The following PSMA6 variants were observed in gnomAD, a reference collection of about 807,000 sequenced individuals.
PSMA6 encodes proteasome subunit alpha type-6.
For missense variants in PSMA6, 170 were observed against 294.8 expected, an observed-to-expected ratio of 0.58 and a Z score of 3.10; for synonymous variants, 88 against 97.7, an observed-to-expected ratio of 0.90 and a Z score of 0.59.
At chr14:35,284,536 T>C (rs72664902) in intron 1 of PSMA6, among the ~76,000 whole-genome samples, 1,968 of 152,322 alleles carry the variant, frequency 0.013, 27 homozygotes, top group Middle Eastern at 0.041. Flanking sequence ...CGGGTTCATC[T>C]GTGTGTCTCC....
Position 35,317,341 on chromosome 14 carries a change from C to T in PSMA6, c.*35C>T, listed in dbSNP as rs768149385. 2.0e-5 allele frequency: 31 copies of T among 1,557,872 alleles called. No homozygotes were observed. In the Admixed American group the frequency reaches 5.2e-4, roughly 26 times the overall value. ...TTAGTTTACCAGATCCGTGATGCCACTTACCTGTGTGTTTGGTAACAACAA... is the reference window on the plus strand; with the variant it reads ...TTAGTTTACCAGATCCGTGATGCCATTTACCTGTGTGTTTGGTAACAACAA... On this transcript the variant is annotated 3_prime_UTR_variant, in exon 7 of 7. Coordinates refer to ENST00000261479, the MANE Select transcript of PSMA6 (RefSeq NM_002791.3).
intron 1 of PSMA6, among the ~76,000 whole-genome samples, chr14:35,286,249 A>G (rs1048201127): frequency 6.6e-6 from 1 of 152,212 alleles, no homozygotes; most frequent in Admixed American, 6.5e-5. Context: ...TTCAAAGTTC[A>G]CAATATGACC....
At chr14:35,282,427 A>C (rs2051375493) in intron 1 of PSMA6, among the ~76,000 whole-genome samples, 1 of 147,166 alleles carries the variant, frequency 6.8e-6, no homozygotes. Flanking sequence ...GTAAATTAAA[A>C]AAAAATTTTT....
intron 3 of PSMA6, 95 bp from the exon 4 acceptor site, chr14:35,310,645 T>C: frequency 8.0e-7 from 1 of 1,256,918 alleles, no homozygotes. Flanking sequence ...CTCATGTATG[T>C]CTATATGGTG....
chr14:35,291,158 A>G (rs2051474447), upstream of PSMA6, among the ~76,000 whole-genome samples: 1 of 149,976 alleles, frequency 6.7e-6, no homozygotes. Context: ...CGCACAGCTA[A>G]TTTTATTTTT....
At chr14:35,294,442 C>T in intron 1 of PSMA6, among the ~76,000 whole-genome samples, 1 of 152,180 alleles carries the variant, frequency 6.6e-6, no homozygotes, top group East Asian at 1.9e-4. Flanking sequence ...TATGAGCAAG[C>T]AGTATAGTGA....
intron 1 of PSMA6, among the ~76,000 whole-genome samples, chr14:35,306,336 C>T (rs1046957228): frequency 6.6e-5 from 10 of 151,730 alleles, no homozygotes; most frequent in Admixed American, 5.3e-4. Context: ...ATGGGAGGAT[C>T]GCTTGAGCTC....
intron 1 of PSMA6, among the ~76,000 whole-genome samples, chr14:35,280,715 TTTG>T (rs912785149): frequency 3.9e-5 from 6 of 151,900 alleles, no homozygotes; most frequent in Admixed American, 3.9e-4. Flanking sequence ...GGTCTCATGA[TTTG>T]TTGTTGTTGT....
intron 1 of PSMA6, among the ~76,000 whole-genome samples, chr14:35,280,508 A>G (rs1360185333): frequency 2.0e-5 from 3 of 151,628 alleles, no homozygotes; most frequent in Non-Finnish European, 1.5e-5. Context: ...CAGCCTCCCA[A>G]GTAGCTGGGA....
rs886766702 is a variant in PSMA6, at chr14:35,292,412, C to G, written c.-65C>G. On this transcript the variant is annotated 5_prime_UTR_variant, in exon 1 of 7. Transcript: ENST00000261479. ...CAGTCGCTGCAACTTCCGGGAGGTGCTTGTGTGCCTGGTGCGGGAGCTACG... is the reference window on the plus strand; with the variant it reads ...CAGTCGCTGCAACTTCCGGGAGGTGGTTGTGTGCCTGGTGCGGGAGCTACG... 6.4e-7 allele frequency: 1 copy of G among 1,570,126 alleles called. No individual in the cohort carries two copies. The highest frequency in any genetic ancestry group is 8.6e-7 in the Non-Finnish European group (1 of 1,159,388).
At chr14:35,303,947 A>C (rs2051770029) in intron 1 of PSMA6, among the ~76,000 whole-genome samples, 1 of 150,756 alleles carries the variant, frequency 6.6e-6, no homozygotes, top group Non-Finnish European at 1.5e-5. Flanking sequence ...TCATTGTATT[A>C]GCTCGTGTAG....
chr14:35,307,934 T>A, intron 1 of PSMA6, 60 bp from the exon 2 acceptor site: 1 of 1,503,272 alleles, frequency 6.7e-7, no homozygotes, highest in Non-Finnish European at 9.2e-7. Context: ...TGACTATTAT[T>A]TCATTGCAAG....
chr14:35,302,002 C>G (rs191561798), intron 1 of PSMA6, among the ~76,000 whole-genome samples: 2 of 151,724 alleles, frequency 1.3e-5, no homozygotes, highest in African/African-American at 4.8e-5. Flanking sequence ...TTCTTTGTGG[C>G]CAGTTGCTAT....
chr14:35,289,369 G>A (rs1416932048), upstream of PSMA6, among the ~76,000 whole-genome samples: 4 of 151,386 alleles, frequency 2.6e-5, no homozygotes, highest in Admixed American at 1.3e-4. Flanking sequence ...TCACTCTGTT[G>A]CCCAGACTGG....
intron 1 of PSMA6, among the ~76,000 whole-genome samples, chr14:35,279,476 T>C (rs1298430460): frequency 6.6e-6 from 1 of 152,250 alleles, no homozygotes; most frequent in East Asian, 1.9e-4. Context: ...CAAGGCTTGC[T>C]TTGTTCAGAA....
At chr14:35,305,062 G>T (rs865953253) in intron 1 of PSMA6, among the ~76,000 whole-genome samples, 2 of 152,124 alleles carry the variant, frequency 1.3e-5, no homozygotes, top group African/African-American at 4.8e-5. Flanking sequence ...GACAGAGCAA[G>T]ATGCTGTCTC....
At chr14:35,288,391 G>A (rs1015274090), upstream of PSMA6, among the ~76,000 whole-genome samples, 2 of 152,192 alleles carry the variant, frequency 1.3e-5, no homozygotes, top group African/African-American at 4.8e-5. Flanking sequence ...CCAGCTCCTT[G>A]GGAGGCTGAG....
intron 1 of PSMA6, among the ~76,000 whole-genome samples, chr14:35,294,491 C>T (rs1358259101): frequency 6.6e-6 from 1 of 152,248 alleles, no homozygotes; most frequent in Non-Finnish European, 1.5e-5. Flanking sequence ...ATTCAAATCT[C>T]TGCCCTGCTC....
rs2051972394 is a variant in PSMA6, at chr14:35,312,930, G to A, written c.459G>A (p.Lys153=). 6.3e-7 allele frequency: 1 copy of A among 1,596,370 alleles called. No homozygotes were observed. Among genetic ancestry groups the A allele is most frequent in the Non-Finnish European group, 8.5e-7 (1 of 1,173,794 alleles). The change falls in exon 5 of 7, where the codon AAG becomes AAA. Residue 153 remains lysine, a synonymous_variant. Coordinates refer to ENST00000261479, the MANE Select transcript of PSMA6 (RefSeq NM_002791.3). ...IDEEQGPQVY[K]CDPAGYYCGF... is the part of the protein sequence containing the mutation. ...AAGAGCAAGGCCCTCAGGTATATAAGTGTGATCCTGCAGGTTACTACTGTG... is the reference window on the plus strand; with the variant it reads ...AAGAGCAAGGCCCTCAGGTATATAAATGTGATCCTGCAGGTTACTACTGTG...
Sources: gnomAD v4.1 joint callset for allele counts (sites outside exome capture counted in the v4.1 genomes callset) on GRCh38, gnomAD v4.1.1 for gene constraint, MANE v1.5 for transcripts, NCBI Gene and HGNC (gene_info 2026-07-23, HGNC 2026-07-21) for gene names.